The following TLN2 variants were observed in gnomAD, a reference collection of about 807,000 sequenced individuals.
TLN2 encodes talin 2, also known as talin-2.
In TLN2, 118 loss-of-function variants were observed where a neutral mutation model predicts 294.7. The ratio of observed to expected loss-of-function variants is 0.40; its 90% CI spans 0.34 to 0.47. TLN2 has a LOEUF of 0.47. TLN2 is among the 20% of genes least tolerant of loss of function. TLN2 has a pLI of 0.84. For missense variants in TLN2, 3,083 were observed against 3,282.2 expected (o/e 0.94, Z 1.48); for synonymous variants, 1,431 against 1,304.5 (o/e 1.10, Z -2.09).
At chr15:62,718,991 G>A (rs902400212) in intron 24 of TLN2, among the ~76,000 whole-genome samples, 3 of 152,196 alleles carry the variant, frequency 2.0e-5, no homozygotes, top group African/African-American at 7.2e-5. Context: ...AACTTGTGCT[G>A]GAGCAGTCCT....
At chr15:62,639,658 G>A (rs962983998) in intron 3 of TLN2, among the ~76,000 whole-genome samples, 1 of 152,192 alleles carries the variant, frequency 6.6e-6, no homozygotes, top group African/African-American at 2.4e-5. Flanking sequence ...AAAATCACAT[G>A]AGCTGTGTTC....
chr15:62,418,663 T>C (rs1027647692), intron 1 of TLN2, among the ~76,000 whole-genome samples: 2 of 152,174 alleles, frequency 1.3e-5, no homozygotes, highest in African/African-American at 4.8e-5. Context: ...TAAAAGGTGG[T>C]TGGATTATCA....
chr15:62,617,876 T>TCTG (rs2048438631), intron 2 of TLN2, among the ~76,000 whole-genome samples: 2 of 152,204 alleles, frequency 1.3e-5, no homozygotes, highest in Admixed American at 1.3e-4. Flanking sequence ...AGAACTGTAG[T>TCTG]CTTCCAGTTA....
chr15:62,806,781 A>C (rs530490423), intron 51 of TLN2, among the ~76,000 whole-genome samples: 5 of 152,224 alleles, frequency 3.3e-5, no homozygotes, highest in Non-Finnish European at 7.4e-5. Flanking sequence ...CTCAGCAATC[A>C]ATTGATGATC....
intron 1 of TLN2, among the ~76,000 whole-genome samples, chr15:62,536,780 T>A (rs1181536125): frequency 3.9e-5 from 6 of 152,236 alleles, no homozygotes; most frequent in African/African-American, 1.4e-4. Context: ...AGAACTGTTT[T>A]AAAAGTTTTA....
At chr15:62,791,858 G>A (rs1010139709) in intron 45 of TLN2, among the ~76,000 whole-genome samples, 1 of 152,210 alleles carries the variant, frequency 6.6e-6, no homozygotes, top group African/African-American at 2.4e-5. Flanking sequence ...CAAACTTCGG[G>A]GAGGTGGAAG....
At position 62,750,486 on chromosome 15, in the gene TLN2, T is replaced by C; in HGVS notation, c.4204T>C (p.Ser1402Pro). The change falls in exon 34 of 59, where the codon TCC (serine) becomes CCC (proline). Residue 1402 changes from serine (S) to proline (P), a missense_variant. By Grantham distance (74) the Ser-to-Pro change is moderately conservative. Coordinates refer to ENST00000636159, the MANE Select transcript of TLN2 (RefSeq NM_015059.3). Reference protein sequence around the residue: ...FDCIESVMENSKVLGESMAGI... With the variant: ...FDCIESVMENPKVLGESMAGI... ...CTGCATTGAGAGTGTGATGGAAAAC[T>C]CCAAGGTAAGACTGCCTATGCCGTA... 6.2e-7 allele frequency: 1 copy of C among 1,613,990 alleles called. No homozygotes were observed.
chr15:62,587,693 C>A (rs546926187), intron 1 of TLN2, among the ~76,000 whole-genome samples: 5 of 152,116 alleles, frequency 3.3e-5, no homozygotes, highest in South Asian at 2.1e-4. Context: ...TGAGTGAATT[C>A]TTAGAAGTAG....
chr15:62,663,435 A>C (rs2140976447), intron 9 of TLN2, among the ~76,000 whole-genome samples: 1 of 151,072 alleles, frequency 6.6e-6, no homozygotes, highest in African/African-American at 2.5e-5. Flanking sequence ...TATCCTAATG[A>C]GTGCAATAAG....
At chr15:62,557,654 C>T (rs776115459) in intron 1 of TLN2, among the ~76,000 whole-genome samples, 2 of 152,074 alleles carry the variant, frequency 1.3e-5, no homozygotes, top group African/African-American at 2.4e-5. Flanking sequence ...TGATTCTCCT[C>T]CCTCAGCCTC....
chr15:62,489,492 C>T (rs2038590360), intron 1 of TLN2, among the ~76,000 whole-genome samples: 1 of 152,178 alleles, frequency 6.6e-6, no homozygotes, highest in Non-Finnish European at 1.5e-5. Context: ...CTGGTAATTT[C>T]TGGATCCTGA....
At chr15:62,729,204 CTTATA>C (rs1448467541) in intron 28 of TLN2, among the ~76,000 whole-genome samples, 1 of 152,138 alleles carries the variant, frequency 6.6e-6, no homozygotes, top group Non-Finnish European at 1.5e-5. Context: ...ATTGCCTGTT[CTTATA>C]TTAGTACTAT....
At position 62,763,624 on chromosome 15, in the gene TLN2, C is replaced by T. The variant is rs202059168; in HGVS notation, c.5023C>T (p.Arg1675Trp). The T allele has an allele frequency of 8.7e-6, 14 of 1,613,542 alleles. No homozygotes were observed. The highest frequency in any genetic ancestry group is 3.3e-5 in the Admixed American group (2 of 60,006). The part of the protein sequence containing the change: ...YSIDGINRCI[R>W]DIEQASLAAV... The stretch of plus-strand genomic sequence containing the variant: ...CATCGATGGCATCAACCGGTGCATC[C>T]GGGACATCGAGCAGGCCTCGCTGGC... Residue 1675 changes from arginine (R) to tryptophan (W), a missense_variant, in exon 40 of 59, where the codon CGG (arginine) becomes TGG (tryptophan). Coordinates refer to ENST00000636159, the MANE Select transcript of TLN2 (RefSeq NM_015059.3).
At chr15:62,494,194 G>C (rs2038899935) in intron 1 of TLN2, among the ~76,000 whole-genome samples, 1 of 152,118 alleles carries the variant, frequency 6.6e-6, no homozygotes, top group African/African-American at 2.4e-5. Flanking sequence ...GCATAGCCAA[G>C]GGGGTTCCAG....
At chr15:62,648,504 T>C (rs777490185) in intron 4 of TLN2, among the ~76,000 whole-genome samples, 1 of 146,622 alleles carries the variant, frequency 6.8e-6, no homozygotes, top group Admixed American at 6.8e-5. Context: ...CTGCTTCTCA[T>C]AAAATTGTTT....
chr15:62,410,712 A>G (rs1327661697), intron 1 of TLN2, among the ~76,000 whole-genome samples: 4 of 152,164 alleles, frequency 2.6e-5, no homozygotes, highest in Admixed American at 1.3e-4. Flanking sequence ...CTTTCTTAGA[A>G]CCACATCTGG....
chr15:62,737,146 C>T (rs770172715), intron 29 of TLN2, 60 bp downstream of exon 29: 47 of 1,573,364 alleles, frequency 3.0e-5, no homozygotes, highest in Admixed American at 7.0e-5. Context: ...GACATGTGGT[C>T]GGGCTGTCTC....
At chr15:62,426,621 G>A (rs879791927) in intron 1 of TLN2, among the ~76,000 whole-genome samples, 9 of 152,224 alleles carry the variant, frequency 5.9e-5, no homozygotes, top group Non-Finnish European at 1.0e-4. Flanking sequence ...CTAACTCCTA[G>A]TCAGATCACT....
chr15:62,431,313 A>G lies in TLN2; in HGVS notation c.-238+40628A>G, dbSNP rs1023759316. On this transcript the variant is annotated intron_variant, in intron 1 of 58. Coordinates refer to ENST00000636159, the MANE Select transcript of TLN2 (RefSeq NM_015059.3). ...GAACATTAAAAAAAGACCTAGTTCA[A>G]TAACATTTTTGAATCTGAGATGAGA... Among the ~76,000 whole-genome samples the G allele has an allele frequency of 5.9e-5, 9 of 152,352 alleles. No individual in the cohort carries two copies. The East Asian group carries it at 1.7e-3, about 29-fold the overall frequency.
Sources: gnomAD v4.1 joint callset for allele counts (sites outside exome capture counted in the v4.1 genomes callset) on GRCh38, gnomAD v4.1.1 for gene constraint, MANE v1.5 for transcripts, NCBI Gene and HGNC (gene_info 2026-07-23, HGNC 2026-07-21) for gene names.